Variants in FHIT observed in about 807,000 individuals in gnomAD.
FHIT encodes bis(5'-adenosyl)-triphosphatase.
A neutral mutation model predicts 17.9 loss-of-function variants in FHIT; 19 were observed. The observed-to-expected ratio is 1.06, with a 90% confidence interval of 0.74 to 1.56. FHIT has a LOEUF of 1.56. FHIT is among the 40% of genes most tolerant of loss of function. The probability of loss-of-function intolerance (pLI) is 0.00; values close to 1 mark genes in which losing one functional copy is unlikely to be tolerated. For missense variants in FHIT, 248 were observed against 189.2 expected (o/e 1.31, Z -1.82); for synonymous variants, 81 against 69.7 (o/e 1.16, Z -0.81).
intron 5 of FHIT, among the ~76,000 whole-genome samples, chr3:60,129,572 C>T (rs1699439446): frequency 6.6e-6 from 1 of 152,128 alleles, no homozygotes; most frequent in South Asian, 2.1e-4. Context: ...CTGTATCAAA[C>T]TCCTTTTCTT....
chr3:59,779,817 C>G (rs1384654410), intron 8 of FHIT, among the ~76,000 whole-genome samples: 3 of 152,162 alleles, frequency 2.0e-5, no homozygotes, highest in African/African-American at 7.2e-5. Context: ...GCTCCCAGCA[C>G]TTAGCACTGT....
At chr3:60,880,080 G>A (rs913648296) in intron 3 of FHIT, among the ~76,000 whole-genome samples, 1 of 152,112 alleles carries the variant, frequency 6.6e-6, no homozygotes, top group African/African-American at 2.4e-5. Flanking sequence ...GCACATTATA[G>A]TTCAATTGTC....
In FHIT at chr3:60,446,857, AAATAATAATAAT is replaced by A. The variant is rs144268974; in HGVS notation, c.103+89991_103+90002del. On this transcript the variant is annotated intron_variant, in intron 5 of 9. Transcript: ENST00000492590. ...AGCAGAGCAAGACCCTATCTCATTA[AAATAATAATAAT>A]AATAATAATAATAATAATAATAATA... 2.3e-3 allele frequency among the ~76,000 whole-genome samples: 320 copies of A among 139,022 alleles called. 1 individual carries two copies. Among genetic ancestry groups the A allele is most frequent in the Middle Eastern group, 0.014 (4 of 278 alleles). 91.2% of individuals were successfully genotyped at this position (139,022 alleles called of 152,430 possible).
At chr3:60,291,246 G>A (rs1198781955) in intron 5 of FHIT, among the ~76,000 whole-genome samples, 1 of 152,078 alleles carries the variant, frequency 6.6e-6, no homozygotes, top group Non-Finnish European at 1.5e-5. Flanking sequence ...TACCTGGTGA[G>A]GAGGCAGAGT....
chr3:60,593,727 G>A (rs2038168801), intron 4 of FHIT, among the ~76,000 whole-genome samples: 2 of 152,134 alleles, frequency 1.3e-5, no homozygotes, highest in East Asian at 1.9e-4. Flanking sequence ...AGATATGCAG[G>A]TACAGCTCTT....
rs1559660689 is a variant in FHIT at position 60,130,789 on chromosome 3, G to GTGTGTGTA, written c.104-116638_104-116637insTACACACA. On this transcript the variant is annotated intron_variant, in intron 5 of 9. Coordinates refer to ENST00000492590, the MANE Select transcript of FHIT (RefSeq NM_002012.4). ...GTTTGTGTGTGTGTGTGTGTGGTGT[G>GTGTGTGTA]TATATACACACATATATATGTGTGT... 4.2e-3 allele frequency among the ~76,000 whole-genome samples: 569 copies of GTGTGTGTA among 136,070 alleles called. 3 individuals carry two copies. Among genetic ancestry groups the GTGTGTGTA allele is most frequent in the African/African-American group, 0.014 (536 of 38,004 alleles). 89.3% of individuals were successfully genotyped at this position (136,070 alleles called of 152,430 possible).
At chr3:60,055,704 A>C (rs1246618727) in intron 5 of FHIT, among the ~76,000 whole-genome samples, 1 of 152,122 alleles carries the variant, frequency 6.6e-6, no homozygotes, top group East Asian at 1.9e-4. Context: ...GAAGGGCCAG[A>C]TTTTTCACCA....
At chr3:60,342,188 C>A (rs1710552389) in intron 5 of FHIT, among the ~76,000 whole-genome samples, 1 of 152,184 alleles carries the variant, frequency 6.6e-6, no homozygotes, top group Non-Finnish European at 1.5e-5. Flanking sequence ...CTCCAGGACC[C>A]TCCTTTTATC....
chr3:61,140,038 A>AT lies in FHIT; in HGVS notation c.-164+60578dup, dbSNP rs11378635. 2.3e-3 allele frequency among the ~76,000 whole-genome samples: 345 copies of AT among 151,564 alleles called. 1 individual carries two copies. Among genetic ancestry groups the AT allele is most frequent in the African/African-American group, 8.1e-3 (336 of 41,268 alleles). On this transcript the variant is annotated intron_variant, in intron 2 of 9. Coordinates refer to ENST00000492590, the MANE Select transcript of FHIT (RefSeq NM_002012.4). ...AAGAGAAAGCAAAAAAAAAAAAAAAATAAGAAACAATGAGAGGCATTAAAG... is the reference window on the plus strand; with the variant it reads ...AAGAGAAAGCAAAAAAAAAAAAAAAATTAAGAAACAATGAGAGGCATTAAAG...
chr3:59,874,062 A>G (rs2106918146), intron 8 of FHIT, among the ~76,000 whole-genome samples: 1 of 152,226 alleles, frequency 6.6e-6, no homozygotes, highest in South Asian at 2.1e-4. Flanking sequence ...AACTGGCCCA[A>G]ATGCTCTGCA....
chr3:60,110,416 A>G (rs1396275506), intron 5 of FHIT, among the ~76,000 whole-genome samples: 1 of 152,176 alleles, frequency 6.6e-6, no homozygotes, highest in Non-Finnish European at 1.5e-5. Flanking sequence ...TCAGGACAAA[A>G]TGATTCTAAG....
In FHIT at chr3:60,698,627, C is replaced by T. The variant is rs547533766; in HGVS notation, c.-18+123292G>A. Among the ~76,000 whole-genome samples the T allele has an allele frequency of 2.6e-4, 39 of 152,194 alleles. No homozygotes were observed. The South Asian group carries it at 6.6e-3, about 26-fold the overall frequency. On this transcript the variant is annotated intron_variant, in intron 4 of 9. Transcript: ENST00000492590. ...ACCTTCCAACAGGTCTCTCAATAGG[C>T]CTACATTATCAACTAACAACTTGCA...
intron 3 of FHIT, among the ~76,000 whole-genome samples, chr3:60,897,890 T>G (rs562869345): frequency 3.0e-4 from 46 of 152,318 alleles, no homozygotes; most frequent in African/African-American, 1.1e-3. Flanking sequence ...ATCACATACT[T>G]TCACAAAGCA....
chr3:61,198,493 G>C (rs1185723415), intron 2 of FHIT, among the ~76,000 whole-genome samples: 1 of 150,658 alleles, frequency 6.6e-6, no homozygotes, highest in Admixed American at 6.7e-5. Flanking sequence ...TAAAGATGCT[G>C]TTAGGAAGGA....
At chr3:60,626,279 G>T (rs930767483) in intron 4 of FHIT, among the ~76,000 whole-genome samples, 3 of 152,106 alleles carry the variant, frequency 2.0e-5, no homozygotes, top group Admixed American at 6.5e-5. Flanking sequence ...GATTTTGATA[G>T]GAGTTGCATT....
intron 1 of FHIT, among the ~76,000 whole-genome samples, chr3:61,221,867 C>A (rs887703992): frequency 6.6e-6 from 1 of 152,238 alleles, no homozygotes. Context: ...GGTCCAACGT[C>A]CAACCAGACT....
chr3:59,838,345 T>G (rs1434437389), intron 8 of FHIT, among the ~76,000 whole-genome samples: 1 of 152,190 alleles, frequency 6.6e-6, no homozygotes, highest in Non-Finnish European at 1.5e-5. Flanking sequence ...AGTTCAAGGT[T>G]ACCTTGGGTT....
intron 8 of FHIT, among the ~76,000 whole-genome samples, chr3:59,876,182 T>C (rs1364397811): frequency 2.0e-5 from 3 of 151,932 alleles, no homozygotes; most frequent in African/African-American, 4.8e-5. Context: ...ATGTTATGTG[T>C]ATCTTACCAC....
intron 4 of FHIT, among the ~76,000 whole-genome samples, chr3:60,543,286 T>G (rs905434271): frequency 2.6e-5 from 4 of 152,194 alleles, no homozygotes; most frequent in Admixed American, 6.5e-5. Flanking sequence ...GCTCCTGCTG[T>G]ATCTTGTTAA....
Sources: allele counts gnomAD v4.1 joint callset (sites outside exome capture counted in the v4.1 genomes callset), GRCh38; gene constraint gnomAD v4.1.1; transcripts MANE v1.5; gene names NCBI Gene and HGNC (gene_info 2026-07-23, HGNC 2026-07-21).